The following TRPM3 variants were observed in gnomAD, a reference collection of about 807,000 sequenced individuals.
The protein encoded by TRPM3 is long transient receptor potential channel 3.
In TRPM3, 77 loss-of-function variants were observed where a neutral mutation model predicts 181.2. The observed-to-expected ratio is 0.42, with a 90% CI of 0.35 to 0.51. The LOEUF (loss-of-function observed/expected upper bound fraction) is 0.51. Ranked by LOEUF, TRPM3 falls within the 20% of genes least tolerant of loss-of-function variation. The pLI, the probability that TRPM3 is intolerant of heterozygous loss-of-function variation, is 0.01. For missense variants in TRPM3, 1,759 were observed against 2,196.7 expected (o/e 0.80, Z 3.98); for synonymous variants, 745 against 796.4 (o/e 0.94, Z 1.09).
chr9:70,767,684 G>A (rs1247787280), intron 7 of TRPM3, among the ~76,000 whole-genome samples: 4 of 152,112 alleles, frequency 2.6e-5, no homozygotes, highest in Admixed American at 2.6e-4. Flanking sequence ...GGCATCTGTT[G>A]AGGCTAGAAT....
intron 21 of TRPM3, 52 bp from the exon 22 acceptor site, chr9:70,591,257 A>G (rs1177910764): frequency 1.3e-6 from 2 of 1,506,872 alleles, no homozygotes; most frequent in African/African-American, 1.4e-5. Context: ...CATATGATTG[A>G]GTGTTCTTAT....
chr9:71,255,913 G>C (rs1167536894), intron 1 of TRPM3, among the ~76,000 whole-genome samples: 2 of 152,086 alleles, frequency 1.3e-5, no homozygotes, highest in Non-Finnish European at 2.9e-5. Flanking sequence ...CAATTATCTT[G>C]TTTTCAAAAA....
rs568364321 is a variant in TRPM3, at chr9:70,574,342, G to C, written c.3223+16689C>G. On this transcript the variant is annotated intron_variant, in intron 22 of 25. Coordinates refer to ENST00000677713, the MANE Select transcript of TRPM3 (RefSeq NM_001366145.2). ...TGCTGGTCTTCTCAGTTACTGGCAG[G>C]AGGAGTACCCTCCCCTCTGTCTCAG... Among the ~76,000 whole-genome samples, 9 of 152,238 alleles carry C rather than the reference G, an allele frequency of 5.9e-5. No homozygotes were observed. In the South Asian group the frequency reaches 1.9e-3, roughly 32 times the overall value.
At chr9:70,956,741 C>T (rs542235160) in intron 1 of TRPM3, among the ~76,000 whole-genome samples, 40 of 151,752 alleles carry the variant, frequency 2.6e-4, no homozygotes, top group African/African-American at 9.7e-4. Flanking sequence ...TAAAAACTAG[C>T]CAGGTGAAGT....
intron 25 of TRPM3, among the ~76,000 whole-genome samples, chr9:70,539,258 G>A (rs562966142): frequency 1.5e-3 from 222 of 152,204 alleles, no homozygotes; most frequent in African/African-American, 4.8e-3. Flanking sequence ...CCAGAAGCAG[G>A]TTATATAATA....
chr9:70,743,469 C>T (rs2074542666), intron 8 of TRPM3, among the ~76,000 whole-genome samples: 1 of 152,116 alleles, frequency 6.6e-6, no homozygotes, highest in African/African-American at 2.4e-5. Flanking sequence ...GATGAATTTA[C>T]ATTCCACCTA....
chr9:70,647,835 T>A (rs1231862433), intron 9 of TRPM3, among the ~76,000 whole-genome samples: 1 of 152,074 alleles, frequency 6.6e-6, no homozygotes, highest in East Asian at 1.9e-4. Flanking sequence ...GATAAACAAC[T>A]TCAGTAAAGT....
At chr9:70,820,046 A>G (rs1321742426) in intron 6 of TRPM3, among the ~76,000 whole-genome samples, 1 of 152,142 alleles carries the variant, frequency 6.6e-6, no homozygotes, top group Non-Finnish European at 1.5e-5. Flanking sequence ...AAGTTCCTAC[A>G]CCTCCAACAA....
At position 70,619,260 on chromosome 9, in the gene TRPM3, T is replaced by G. The variant is rs149890130; in HGVS notation, c.2130-165A>C. 3.1e-3 allele frequency among the ~76,000 whole-genome samples: 470 copies of G among 152,174 alleles called. 1 individual carries two copies. The highest frequency in any genetic ancestry group is 0.01 in the African/African-American group (434 of 41,502). ...TCATCCAGCCAACATCCACTAAGCA[T>G]CTACTATGTGCCGGATACCATGTAT... On this transcript the variant is annotated intron_variant, in intron 16 of 25. Transcript: ENST00000677713.
At chr9:70,662,653 C>G (rs2133946924) in intron 9 of TRPM3, among the ~76,000 whole-genome samples, 1 of 152,292 alleles carries the variant, frequency 6.6e-6, no homozygotes, top group Middle Eastern at 3.4e-3. Flanking sequence ...TTCAACATCA[C>G]TAATTCTCAT....
intron 1 of TRPM3, among the ~76,000 whole-genome samples, chr9:71,312,790 A>G (rs2088096069): frequency 6.6e-6 from 1 of 152,180 alleles, no homozygotes; most frequent in Non-Finnish European, 1.5e-5. Flanking sequence ...AGAGTAACCA[A>G]TCTGAAAAAG....
At chr9:70,876,336 ATATAT>A (rs916569948) in intron 1 of TRPM3, among the ~76,000 whole-genome samples, 1 of 150,412 alleles carries the variant, frequency 6.6e-6, no homozygotes, top group African/African-American at 2.4e-5. Context: ...TAAACTTTAA[ATATAT>A]TAATTTAAAT....
chr9:70,609,062 A>G, intron 19 of TRPM3, among the ~76,000 whole-genome samples: 1 of 152,228 alleles, frequency 6.6e-6, no homozygotes, highest in East Asian at 1.9e-4. Context: ...CTTATATGTC[A>G]AGGAACTGTT....
At chr9:70,973,889 CAACA>C (rs1191527148) in intron 1 of TRPM3, among the ~76,000 whole-genome samples, 3 of 152,180 alleles carry the variant, frequency 2.0e-5, no homozygotes, top group African/African-American at 4.8e-5. Context: ...AACTTCTTAC[CAACA>C]GACAGAGGGT....
chr9:70,656,160 T>C (rs1564729178), intron 9 of TRPM3, among the ~76,000 whole-genome samples: 1 of 152,220 alleles, frequency 6.6e-6, no homozygotes, highest in South Asian at 2.1e-4. Context: ...AGCATACATT[T>C]TTGTTTGCAT....
At chr9:71,347,314 T>C (rs1188769404) in intron 1 of TRPM3, among the ~76,000 whole-genome samples, 7 of 152,340 alleles carry the variant, frequency 4.6e-5, no homozygotes, top group Middle Eastern at 3.4e-3. Context: ...TCATCAGTAG[T>C]ACCCTCATAA....
rs35682319 is a variant in TRPM3, at chr9:70,852,128, CAAAAAAAAAAAA to C, written c.463-5549_463-5538del. Among the ~76,000 whole-genome samples, 11 of 44,916 alleles carry C rather than the reference CAAAAAAAAAAAA, an allele frequency of 2.4e-4. 1 individual carries two copies. In the East Asian group the frequency reaches 5.1e-3, roughly 21 times the overall value. The allele number at this position is 44,916 out of a possible 152,430, so 29.5% of individuals were successfully genotyped here. A position where few individuals can be genotyped will look rare whatever the true frequency, so the allele number is the denominator to read the frequency against. On this transcript the variant is annotated intron_variant, in intron 3 of 25. Coordinates refer to ENST00000677713, the MANE Select transcript of TRPM3 (RefSeq NM_001366145.2). ...GGCGACAAGAGCAAGACTCTATCTC[CAAAAAAAAAAAA>C]AAAAAAAAAAAAAAAGAGAGAAAAA...
At chr9:71,019,148 G>A (rs2097818206) in intron 1 of TRPM3, among the ~76,000 whole-genome samples, 1 of 151,796 alleles carries the variant, frequency 6.6e-6, no homozygotes, top group African/African-American at 2.4e-5. Context: ...AAACCCTACA[G>A]CAAATATGAT....
chr9:71,211,359 G>GT lies in TRPM3; in HGVS notation c.183+235293dup, dbSNP rs1412025567. 1.1e-3 allele frequency among the ~76,000 whole-genome samples: 90 copies of GT among 80,258 alleles called. 1 individual carries two copies. Among genetic ancestry groups the GT allele is most frequent in the African/African-American group, 2.8e-3 (87 of 31,020 alleles). The allele number at this position is 80,258 out of a possible 152,430, so 52.7% of individuals were successfully genotyped here. A position where few individuals can be genotyped will look rare whatever the true frequency, so the allele number is the denominator to read the frequency against. On this transcript the variant is annotated intron_variant, in intron 1 of 24. Coordinates refer to the TRPM3 transcript ENST00000357533. ...TTTGTTACTGTTCTTTTATATGATT[G>GT]TGTTTTTTTTTTTTTAAATAGGAAG... is the stretch of plus-strand genomic sequence containing the variant.
Sources: allele counts gnomAD v4.1 joint callset (sites outside exome capture counted in the v4.1 genomes callset), GRCh38; gene constraint gnomAD v4.1.1; transcripts MANE v1.5; gene names NCBI Gene and HGNC (gene_info 2026-07-23, HGNC 2026-07-21).